Variants in MPND observed in about 807,000 individuals in gnomAD.
MPND encodes the protein MPN domain-containing protein.
MPND carries 56 observed loss-of-function variants against 59.2 expected under a neutral mutation model. The observed-to-expected ratio is 0.95, with a 90% CI of 0.76 to 1.18. The LOEUF (loss-of-function observed/expected upper bound fraction) is 1.18, where lower values mean the gene tolerates loss of function less well. Among genes scored for constraint, MPND ranks in the 50% most tolerant of loss-of-function variants. The pLI is 0.00. For synonymous variants in MPND, 323 were observed against 291.9 expected (o/e 1.11, Z -1.09); for missense variants, 671 against 676.0 (o/e 0.99, Z 0.08).
At chr19:4,354,886 G>A in intron 6 of MPND, 63 bp from the exon 7 acceptor site, 1 of 1,474,152 alleles carries the variant, frequency 6.8e-7, no homozygotes, top group East Asian at 2.3e-5. Flanking sequence ...GGCACAGGCT[G>A]GCTCCAGTGT....
At chr19:4,352,491 C>A (rs1288538360) in intron 3 of MPND, among the ~76,000 whole-genome samples, 1 of 152,124 alleles carries the variant, frequency 6.6e-6, no homozygotes, top group Non-Finnish European at 1.5e-5. Context: ...TTGAGACCAG[C>A]CTGACCAACA....
chr19:4,351,653 A>G lies in MPND; in HGVS notation c.532-1244A>G, dbSNP rs559044517. ...CGAGATGGGCAAATCACAAGGTCAG[A>G]CGATCGAGACCATCCTGGCTAACAC... On this transcript the variant is annotated intron_variant, in intron 3 of 12. Transcript: ENST00000599840. Among the ~76,000 whole-genome samples, 208 of 151,562 alleles carry G rather than the reference A, an allele frequency of 1.4e-3. 1 individual carries two copies. Among genetic ancestry groups the G allele is most frequent in the African/African-American group, 4.9e-3 (203 of 41,300 alleles).
chr19:4,353,110 T>G, intron 4 of MPND, 81 bp downstream of exon 4: 1 of 1,166,634 alleles, frequency 8.6e-7, no homozygotes. Flanking sequence ...GGTTGGGCCT[T>G]GATCTTCTCC....
intron 10 of MPND, chr19:4,357,820 G>T: frequency 1.6e-6 from 1 of 608,226 alleles, no homozygotes; most frequent in Non-Finnish European, 2.9e-6. Flanking sequence ...TCCTGACCCT[G>T]CCTGGCTTCA....
At chr19:4,350,676 C>A (rs1481200365) in intron 3 of MPND, among the ~76,000 whole-genome samples, 2 of 152,088 alleles carry the variant, frequency 1.3e-5, no homozygotes, top group Admixed American at 1.3e-4. Context: ...AAGGGCAGAT[C>A]TGGGGGTTCA....
rs12609239 is a variant in MPND at position 4,352,397 on chromosome 19, G to A, written c.532-500G>A. On this transcript the variant is annotated intron_variant, in intron 3 of 12. Transcript: ENST00000599840. ...GCGCAGGGCTTGTATTATAAAATGC[G>A]AGGTGAGCCGGGTGCGGTGGCTTAC... 9.5e-3 allele frequency among the ~76,000 whole-genome samples: 1,452 copies of A among 152,140 alleles called. 31 individuals are homozygous for A. Among genetic ancestry groups the A allele is most frequent in the East Asian group, 0.047 (240 of 5,138 alleles).
intron 4 of MPND, chr19:4,353,723 G>A (rs954978125): frequency 1.1e-5 from 3 of 271,212 alleles, no homozygotes; most frequent in Admixed American, 4.8e-5. Flanking sequence ...CACCACACCC[G>A]GCTAATTTTT....
intron 3 of MPND, among the ~76,000 whole-genome samples, chr19:4,352,342 C>A (rs1199680813): frequency 6.6e-6 from 1 of 152,172 alleles, no homozygotes; most frequent in Non-Finnish European, 1.5e-5. Flanking sequence ...GAACCCTAGG[C>A]ATAAATGGCA....
In MPND at chr19:4,357,578, C is replaced by G. The variant is rs765438645; in HGVS notation, c.1229C>G (p.Pro410Arg). 6.2e-7 allele frequency: 1 copy of G among 1,612,100 alleles called. No individual in the cohort carries two copies. Among genetic ancestry groups the G allele is most frequent in the East Asian group, 2.2e-5 (1 of 44,856 alleles). The change falls in exon 10 of 13, where the codon CCT (proline) becomes CGT (arginine). Residue 410 changes from proline to arginine, a missense_variant. By Grantham distance (103) the Pro-to-Arg change is moderately radical (BLOSUM62 -2). Transcript: ENST00000599840. Reference sequence around the variant, plus strand: ...ATCTCACCTTTCTGGGTGATGCCTCCTCCCGAGGTAGGTGGGGCTGTTGGG... The same window carrying G: ...ATCTCACCTTTCTGGGTGATGCCTCGTCCCGAGGTAGGTGGGGCTGTTGGG... Reference protein sequence around the residue: ...SKISPFWVMPPPEQRPSDYGI... With the variant: ...SKISPFWVMPRPEQRPSDYGI...
chr19:4,353,083 G>A (rs939668680), intron 4 of MPND, 54 bp downstream of exon 4: 68 of 1,292,080 alleles, frequency 5.3e-5, no homozygotes, highest in Non-Finnish European at 6.7e-5. Flanking sequence ...CTCGGGTTGG[G>A]GAGGAGACTG....
At chr19:4,351,323 C>T (rs1006095035) in intron 3 of MPND, among the ~76,000 whole-genome samples, 14 of 151,954 alleles carry the variant, frequency 9.2e-5, no homozygotes, top group Admixed American at 5.9e-4. Flanking sequence ...AGGCTGGTCT[C>T]GAACTCCTGA....
intron 2 of MPND, 65 bp from the exon 3 acceptor site, chr19:4,345,680 A>AC (rs1259588161): frequency 3.0e-5 from 44 of 1,488,396 alleles, no homozygotes; most frequent in South Asian, 1.6e-4. Flanking sequence ...TCTGGGGAGG[A>AC]CCCCCCGGGA....
At chr19:4,359,028 C>T in intron 11 of MPND, 135 bp from the exon 12 acceptor site, 2 of 618,988 alleles carry the variant, frequency 3.2e-6, no homozygotes, top group South Asian at 3.7e-5. Flanking sequence ...TAAGGTCACT[C>T]GTGATCTCTT....
intron 3 of MPND, chr19:4,349,112 G>C (rs1315115391): frequency 6.2e-6 from 1 of 162,434 alleles, no homozygotes; most frequent in East Asian, 1.7e-4. Context: ...CTGTTGTCCA[G>C]GCTGGAGTGC....
rs1972124683 is a variant in MPND at position 4,343,844 on chromosome 19, C to T, written c.144C>T (p.Ser48=). 1 of 1,202,482 alleles carries T rather than the reference C, an allele frequency of 8.3e-7. No individual in the cohort carries two copies. Among genetic ancestry groups the T allele is most frequent in the Non-Finnish European group, 1.0e-6 (1 of 971,686 alleles). 74.5% of individuals were successfully genotyped at this position (1,202,482 alleles called of 1,614,324 possible). A position where few individuals can be genotyped will look rare whatever the true frequency, so the allele number is the denominator to read the frequency against. Reference sequence around the variant, plus strand: ...GACGCAGTGGCGGCGGCGGCAGTAGCGTCAGCGGAGGAGGCGGCGGCGGCG... The same window carrying T: ...GACGCAGTGGCGGCGGCGGCAGTAGTGTCAGCGGAGGAGGCGGCGGCGGCG... ...GGGRSGGGGS[S]VSGGGGGGGA... Residue 48 remains serine, a synonymous_variant, in exon 2 of 13, where the codon AGC becomes AGT. Coordinates refer to ENST00000599840, the MANE Select transcript of MPND (RefSeq NM_001300862.2).
At position 4,354,304 on chromosome 19, in the gene MPND, G is replaced by C; in HGVS notation, c.750-20G>C. 6.4e-7 allele frequency: 1 copy of C among 1,550,652 alleles called. No individual in the cohort carries two copies. Among genetic ancestry groups the C allele is most frequent in the Non-Finnish European group, 8.7e-7 (1 of 1,145,394 alleles). On this transcript the variant is annotated intron_variant, in intron 5 of 12. Coordinates refer to ENST00000599840, the MANE Select transcript of MPND (RefSeq NM_001300862.2). ...AGCCTGGGGATTCCTGAGACTGTGCGACCCTCCTGGCCCCTACAGGAACCC... is the reference window on the plus strand; with the variant it reads ...AGCCTGGGGATTCCTGAGACTGTGCCACCCTCCTGGCCCCTACAGGAACCC...
intron 4 of MPND, among the ~76,000 whole-genome samples, chr19:4,353,562 CTGTTTTTT>C (rs71166989): frequency 0.32 from 48,967 of 151,344 alleles, 8,387 homozygotes; most frequent in East Asian, 0.64. Flanking sequence ...GCCACTGTAC[CTGTTTTTT>C]TGTTTTTTTG....
rs1369521403 is a variant in MPND, at chr19:4,359,939, C to G, written c.1443C>G (p.Pro481=). The change falls in exon 13 of 13, where the codon CCC becomes CCG. Residue 481 remains proline, a synonymous_variant. Transcript: ENST00000599840. ...KLKISLASRT[P]KDQSLCHVLE... is the part of the protein sequence containing the mutation. ...AGATCTCCTTGGCCAGCAGGACGCC[C>G]AAGGACCAGAGCCTGTGTCACGTCC... 1.3e-6 allele frequency: 2 copies of G among 1,573,636 alleles called. No homozygotes were observed. The highest frequency in any genetic ancestry group is 1.2e-5 in the South Asian group (1 of 85,728).
In MPND at chr19:4,355,154, C is replaced by G. The variant is rs1972409056; in HGVS notation, c.977C>G (p.Ala326Gly). Residue 326 changes from alanine (A) to glycine (G), a missense_variant, in exon 8 of 13, where the codon GCA becomes GGA. By Grantham distance (60) the Ala-to-Gly change is moderately conservative. Coordinates refer to ENST00000599840, the MANE Select transcript of MPND (RefSeq NM_001300862.2). Reference sequence around the variant, plus strand: ...AGCCGGCTCGGGGACGCAGAGACTGCAGCTGCCATCGAAGAGGAGGTGAGG... The same window carrying G: ...AGCCGGCTCGGGGACGCAGAGACTGGAGCTGCCATCGAAGAGGAGGTGAGG... ...CRSRLGDAET[A>G]AAIEEEIYQS... The G allele has an allele frequency of 6.2e-7, 1 of 1,613,096 alleles. No individual in the cohort carries two copies. The highest frequency in any genetic ancestry group is 1.3e-5 in the African/African-American group (1 of 74,862).
Sources: allele counts gnomAD v4.1 joint callset (sites outside exome capture counted in the v4.1 genomes callset), GRCh38; gene constraint gnomAD v4.1.1; transcripts MANE v1.5; gene names NCBI Gene and HGNC (gene_info 2026-07-23, HGNC 2026-07-21).